The following THADA variants were observed in gnomAD, a reference collection of about 807,000 sequenced individuals.
The protein encoded by THADA is THADA armadillo repeat containing.
THADA carries 213 observed loss-of-function variants against 219.8 expected under a neutral mutation model. That is an observed-to-expected ratio of 0.97 (90% CI 0.87 to 1.09). The LOEUF (loss-of-function observed/expected upper bound fraction) is 1.09, where lower values mean the gene tolerates loss of function less well. Ranked by LOEUF, THADA falls within the 50% of genes least tolerant of loss-of-function variation. THADA has a pLI of 0.00. For missense variants in THADA, 2,956 were observed against 2,311.3 expected, an observed-to-expected ratio of 1.28 and a Z score of -5.72; for synonymous variants, 1,018 against 828.9, an observed-to-expected ratio of 1.23 and a Z score of -3.92.
At chr2:43,297,756 C>T (rs1675690816) in intron 31 of THADA, among the ~76,000 whole-genome samples, 1 of 128,956 alleles carries the variant, frequency 7.8e-6, no homozygotes, top group South Asian at 2.4e-4. Context: ...GCCAGCCGCC[C>T]CGTCCGGGAG....
intron 28 of THADA, among the ~76,000 whole-genome samples, chr2:43,426,233 T>A (rs1678405199): frequency 6.6e-6 from 1 of 152,210 alleles, no homozygotes; most frequent in African/African-American, 2.4e-5. Flanking sequence ...AAGCAACATT[T>A]TGGAAAGGTA....
intron 26 of THADA, among the ~76,000 whole-genome samples, chr2:43,437,375 T>C (rs1680257822): frequency 6.6e-6 from 1 of 152,168 alleles, no homozygotes; most frequent in South Asian, 2.1e-4. Context: ...GCCTTTTGAG[T>C]TTCTACCATA....
intron 36 of THADA, among the ~76,000 whole-genome samples, chr2:43,273,818 G>C (rs1465565613): frequency 6.6e-6 from 1 of 152,158 alleles, no homozygotes; most frequent in Non-Finnish European, 1.5e-5. Flanking sequence ...GTTTGCTCAA[G>C]GGTCGGGGCA....
At chr2:43,441,929 C>T (rs546601588) in intron 26 of THADA, among the ~76,000 whole-genome samples, 23 of 152,206 alleles carry the variant, frequency 1.5e-4, no homozygotes, top group Non-Finnish European at 2.1e-4. Context: ...TCATGTTGGG[C>T]GCAATCCTAT....
chr2:43,528,070 C>T lies in THADA; in HGVS notation c.3265-82G>A, dbSNP rs1039995207. ...TTATATCAGTAACACTGTTTAGAAC[C>T]CAGGTCTAGGGGTCCATTCATTTAG... On this transcript the variant is annotated intron_variant, in intron 21 of 37. Transcript: ENST00000405975. 34 of 951,000 alleles carry T rather than the reference C, an allele frequency of 3.6e-5. No individual in the cohort carries two copies. In the Admixed American group the frequency reaches 5.9e-4, roughly 16 times the overall value. 58.9% of individuals were successfully genotyped at this position (951,000 alleles called of 1,614,324 possible).
At chr2:43,327,719 A>C (rs1558585962) in intron 30 of THADA, among the ~76,000 whole-genome samples, 1 of 152,184 alleles carries the variant, frequency 6.6e-6, no homozygotes, top group Non-Finnish European at 1.5e-5. Flanking sequence ...CAGCCTGGGC[A>C]ACATAGTGAG....
At chr2:43,354,775 C>A (rs182265420) in intron 29 of THADA, among the ~76,000 whole-genome samples, 44 of 152,228 alleles carry the variant, frequency 2.9e-4, no homozygotes, top group Admixed American at 3.3e-4. Context: ...TGTGTCCCTA[C>A]CCAAATCTCA....
In THADA at chr2:43,420,425, A is replaced by C. The variant is rs148192062; in HGVS notation, c.4058+7675T>G. Among the ~76,000 whole-genome samples the C allele has an allele frequency of 1.2e-3, 188 of 152,364 alleles. 1 individual carries two copies. Among genetic ancestry groups the C allele is most frequent in the African/African-American group, 4.3e-3 (180 of 41,592 alleles). On this transcript the variant is annotated intron_variant, in intron 28 of 37. Transcript: ENST00000405975. Reference sequence around the variant, plus strand: ...ATGTTTAACAAATACTTGGTTACTCAATTAACTGATTAGATTCTAACTTCT... The same window carrying C: ...ATGTTTAACAAATACTTGGTTACTCCATTAACTGATTAGATTCTAACTTCT...
intron 34 of THADA, among the ~76,000 whole-genome samples, chr2:43,287,427 T>C (rs1674166895): frequency 6.6e-6 from 1 of 152,116 alleles, no homozygotes; most frequent in Non-Finnish European, 1.5e-5. Context: ...TCCGAGTAGC[T>C]GAAAGTACAG....
chr2:43,591,314 G>A (rs112277812), intron 3 of THADA, among the ~76,000 whole-genome samples: 141 of 152,216 alleles, frequency 9.3e-4, no homozygotes, highest in African/African-American at 3.3e-3. Context: ...AAGAGAGTGA[G>A]ACCCTATCTC....
chr2:43,590,923 T>G lies in THADA; in HGVS notation c.203A>C (p.Asn68Thr), dbSNP rs760487579. ...TTGAATAGTGGGATCACACATGCCA[T>G]TTTTATCTGCTTTCTCCAGCAGAGG... ...IVPLLEKADKNGMCDPTIQSC... is the reference protein window; with the variant it reads ...IVPLLEKADKTGMCDPTIQSC... The change falls in exon 4 of 38, where the codon AAT becomes ACT. Residue 68 changes from asparagine to threonine, a missense_variant. By Grantham distance (65) the Asn-to-Thr change is moderately conservative (BLOSUM62 0). Transcript: ENST00000405975. The G allele has an allele frequency of 3.1e-5, 50 of 1,613,400 alleles. No homozygotes were observed. The Admixed American group carries it at 8.3e-4, about 27-fold the overall frequency.
In THADA at chr2:43,503,828, G is replaced by A. The variant is rs1689322307; in HGVS notation, c.3621+1794C>T. ...CTAAAATGCCATTAATCACCTTGAAGTAGAGTAGGGCAATAATTATCCAGC... is the reference window on the plus strand; with the variant it reads ...CTAAAATGCCATTAATCACCTTGAAATAGAGTAGGGCAATAATTATCCAGC... On this transcript the variant is annotated intron_variant, in intron 24 of 37. Transcript: ENST00000405975. Among the ~76,000 whole-genome samples, 3 of 152,146 alleles carry A rather than the reference G, an allele frequency of 2.0e-5. 1 individual carries two copies. The South Asian group carries it at 6.2e-4, about 31-fold the overall frequency.
intron 28 of THADA, among the ~76,000 whole-genome samples, chr2:43,404,444 T>C (rs998351001): frequency 6.6e-6 from 1 of 151,316 alleles, no homozygotes; most frequent in Admixed American, 6.6e-5. Flanking sequence ...CCTCCCACTC[T>C]GGCATCCCAG....
chr2:43,297,502 C>T (rs1278603252), intron 31 of THADA, among the ~76,000 whole-genome samples: 1 of 54,436 alleles, frequency 1.8e-5, no homozygotes, highest in Admixed American at 1.8e-4. Context: ...GGGAGGTGGG[C>T]GGTCAGCCCC....
In THADA at chr2:43,427,003, G is replaced by A. The variant is rs546366951; in HGVS notation, c.4058+1097C>T. Among the ~76,000 whole-genome samples the A allele has an allele frequency of 7.9e-5, 12 of 152,302 alleles. No individual in the cohort carries two copies. In the South Asian group the frequency reaches 2.3e-3, roughly 29 times the overall value. On this transcript the variant is annotated intron_variant, in intron 28 of 37. Transcript: ENST00000405975. ...AGTAATCAGAAGACGGCAAATGCCT[G>A]AAAAGATGTAACACAAGAAGTGGTA...
intron 31 of THADA, among the ~76,000 whole-genome samples, chr2:43,310,144 T>C (rs13414560): frequency 2.0e-5 from 3 of 152,086 alleles, no homozygotes; most frequent in Middle Eastern, 3.4e-3. Flanking sequence ...ACTCTTCAAA[T>C]TGATCTACAG....
chr2:43,312,893 G>A (rs374599617), intron 31 of THADA, among the ~76,000 whole-genome samples: 1 of 152,054 alleles, frequency 6.6e-6, no homozygotes, highest in African/African-American at 2.4e-5. Context: ...CACTGATAAA[G>A]TGCATGACCG....
At position 43,593,053 on chromosome 2, in the gene THADA, G is replaced by A. The variant is rs570745538; in HGVS notation, c.-24-637C>T. Among the ~76,000 whole-genome samples the A allele has an allele frequency of 3.3e-5, 5 of 152,306 alleles. No homozygotes were observed. The East Asian group carries it at 9.6e-4, about 29-fold the overall frequency. On this transcript the variant is annotated intron_variant, in intron 1 of 37. Transcript: ENST00000405975. ...TGCCATCTGGAAAGAAGTTGCTAGGGAAATGTCATAGGGCTCTTCTCTTGA... is the reference window on the plus strand; with the variant it reads ...TGCCATCTGGAAAGAAGTTGCTAGGAAAATGTCATAGGGCTCTTCTCTTGA...
chr2:43,310,357 T>C (rs140992681), intron 31 of THADA, among the ~76,000 whole-genome samples: 166 of 152,098 alleles, frequency 1.1e-3, no homozygotes, highest in African/African-American at 3.8e-3. Context: ...GAAGTAATGA[T>C]AATCAAGACA....
Sources: allele counts gnomAD v4.1 joint callset (sites outside exome capture counted in the v4.1 genomes callset), GRCh38; gene constraint gnomAD v4.1.1; transcripts MANE v1.5; gene names NCBI Gene and HGNC (gene_info 2026-07-23, HGNC 2026-07-21).